Variants in ROBO2 observed in about 807,000 individuals in gnomAD.
ROBO2 encodes roundabout guidance receptor 2.
A neutral mutation model predicts 160.8 loss-of-function variants in ROBO2; 53 were observed. That is an observed-to-expected ratio of 0.33 (90% CI 0.26 to 0.41). ROBO2 has a LOEUF of 0.41. ROBO2 is among the 10% of genes least tolerant of loss of function. The pLI, the probability that ROBO2 is intolerant of heterozygous loss-of-function variation, is 1.00. For missense variants in ROBO2, 1,577 were observed against 1,722.4 expected (o/e 0.92, Z 1.49); for synonymous variants, 664 against 611.7 (o/e 1.09, Z -1.26).
chr3:76,338,748 T>C (rs1407744225), intron 2 of ROBO2, among the ~76,000 whole-genome samples: 1 of 150,194 alleles, frequency 6.7e-6, no homozygotes, highest in Non-Finnish European at 1.5e-5. Context: ...TATGTATAAT[T>C]ATTTTTATTA....
intron 2 of ROBO2, among the ~76,000 whole-genome samples, chr3:76,194,860 C>T (rs974423720): frequency 3.3e-5 from 5 of 152,192 alleles, no homozygotes; most frequent in Admixed American, 1.3e-4. Context: ...CCTCGTGATC[C>T]GCCCGCGTTG....
At chr3:76,210,931 T>G (rs1703107678) in intron 2 of ROBO2, among the ~76,000 whole-genome samples, 1 of 152,114 alleles carries the variant, frequency 6.6e-6, no homozygotes, top group Admixed American at 6.6e-5. Context: ...CTAAAGTAAT[T>G]ATCTGCTCAG....
chr3:77,147,293 A>G (rs933159053), intron 2 of ROBO2, among the ~76,000 whole-genome samples: 1 of 152,184 alleles, frequency 6.6e-6, no homozygotes, highest in Non-Finnish European at 1.5e-5. Flanking sequence ...CCTGAAGCTC[A>G]GTATCTTCAT....
intron 2 of ROBO2, among the ~76,000 whole-genome samples, chr3:77,159,685 A>G (rs910564353): frequency 4.6e-5 from 7 of 152,278 alleles, no homozygotes; most frequent in African/African-American, 1.7e-4. Flanking sequence ...TCTTTAGTCT[A>G]TGATCAAACT....
At chr3:76,511,505 A>C (rs1449100689) in intron 2 of ROBO2, among the ~76,000 whole-genome samples, 1 of 152,230 alleles carries the variant, frequency 6.6e-6, no homozygotes, top group Non-Finnish European at 1.5e-5. Flanking sequence ...TGGCTTTATT[A>C]ATACAACCAT....
chr3:76,973,915 G>A lies in ROBO2; in HGVS notation c.110-124099G>A, dbSNP rs371879670. Among the ~76,000 whole-genome samples the A allele has an allele frequency of 1.4e-4, 21 of 152,214 alleles. No homozygotes were observed. The East Asian group carries it at 2.7e-3, about 20-fold the overall frequency. On this transcript the variant is annotated intron_variant, in intron 2 of 26. Coordinates refer to the ROBO2 transcript ENST00000487694. ...CTCTGAGTAGATGGGGACACAGGTG[G>A]GGATGGGTGATAAACTCAAGAAAAG...
chr3:77,210,311 A>G (rs1044305808), intron 2 of ROBO2, among the ~76,000 whole-genome samples: 1 of 152,136 alleles, frequency 6.6e-6, no homozygotes, highest in East Asian at 1.9e-4. Flanking sequence ...TCAAAAATGT[A>G]TGCATAATTA....
intron 1 of ROBO2, among the ~76,000 whole-genome samples, chr3:75,914,346 G>C (rs1273422946): frequency 6.6e-6 from 1 of 152,090 alleles, no homozygotes; most frequent in Non-Finnish European, 1.5e-5. Context: ...AGGAAACCCT[G>C]GTTGAGATAC....
chr3:76,755,259 A>T (rs1251714223), intron 2 of ROBO2, among the ~76,000 whole-genome samples: 2 of 151,842 alleles, frequency 1.3e-5, no homozygotes, highest in Non-Finnish European at 1.5e-5. Context: ...TTCATGAGAC[A>T]AGTACTTTCT....
At chr3:77,336,654 C>T (rs1489942834) in intron 2 of ROBO2, among the ~76,000 whole-genome samples, 1 of 152,074 alleles carries the variant, frequency 6.6e-6, no homozygotes, top group East Asian at 1.9e-4. Context: ...CTAATGAGGG[C>T]CTTCCATAAG....
At chr3:76,753,653 A>C (rs566597437) in intron 2 of ROBO2, among the ~76,000 whole-genome samples, 9 of 152,068 alleles carry the variant, frequency 5.9e-5, no homozygotes, top group Non-Finnish European at 1.3e-4. Flanking sequence ...ATGGCAGGTC[A>C]CATACTGAAA....
chr3:76,196,076 A>G (rs536523575), intron 2 of ROBO2, among the ~76,000 whole-genome samples: 1 of 152,288 alleles, frequency 6.6e-6, no homozygotes, highest in South Asian at 2.1e-4. Flanking sequence ...TGGGTACATC[A>G]GTGCCTTTTC....
At chr3:76,279,376 C>G (rs1284926706) in intron 2 of ROBO2, among the ~76,000 whole-genome samples, 1 of 151,820 alleles carries the variant, frequency 6.6e-6, no homozygotes, top group East Asian at 1.9e-4. Flanking sequence ...CCAAGTGATT[C>G]TACATACCAA....
At chr3:76,313,267 C>T (rs17013925) in intron 2 of ROBO2, among the ~76,000 whole-genome samples, 4,710 of 152,220 alleles carry the variant, frequency 0.031, 119 homozygotes, top group African/African-American at 0.072. Context: ...TGAGTTCCTG[C>T]GATGTAGCCT....
At chr3:76,013,335 T>TG (rs1246120092) in intron 2 of ROBO2, among the ~76,000 whole-genome samples, 9 of 141,140 alleles carry the variant, frequency 6.4e-5, no homozygotes, top group East Asian at 2.2e-4. Context: ...AATTGGCGGC[T>TG]GGCACGGTGG....
intron 2 of ROBO2, among the ~76,000 whole-genome samples, chr3:77,012,108 G>C (rs1312678917): frequency 1.3e-5 from 2 of 152,166 alleles, no homozygotes; most frequent in African/African-American, 4.8e-5. Context: ...TCCACTAGAA[G>C]ACCTTGGTCA....
At chr3:77,376,321 A>ATTTTTTTTTTTTTT (rs567008855) in intron 2 of ROBO2, among the ~76,000 whole-genome samples, 1 of 150,972 alleles carries the variant, frequency 6.6e-6, no homozygotes, top group African/African-American at 2.4e-5. Flanking sequence ...CACCTGGCTA[A>ATTTTTTTTTTTTTT]TTTTTTTTGT....
chr3:76,540,418 C>CT (rs1307424633), intron 2 of ROBO2, among the ~76,000 whole-genome samples: 1 of 152,196 alleles, frequency 6.6e-6, no homozygotes, highest in Non-Finnish European at 1.5e-5. Flanking sequence ...GTCTAACTGA[C>CT]TGACACTATT....
chr3:76,244,618 C>CT (rs1199280887), intron 2 of ROBO2, among the ~76,000 whole-genome samples: 12 of 152,306 alleles, frequency 7.9e-5, no homozygotes, highest in African/African-American at 2.9e-4. Context: ...AGCTGCCTAA[C>CT]TTACGGCCTA....
Sources: gnomAD v4.1 joint callset for allele counts (sites outside exome capture counted in the v4.1 genomes callset) on GRCh38, gnomAD v4.1.1 for gene constraint, MANE v1.5 for transcripts, NCBI Gene and HGNC (gene_info 2026-07-23, HGNC 2026-07-21) for gene names.